The following SLC35F4 variants were observed in gnomAD, a reference collection of about 807,000 sequenced individuals.
SLC35F4 encodes the protein chromosome 14 open reading frame 36.
In SLC35F4, 24 loss-of-function variants were observed where a neutral mutation model predicts 44.2. That is an observed-to-expected ratio of 0.54 (90% CI 0.39 to 0.76). The LOEUF (loss-of-function observed/expected upper bound fraction) is 0.76, where lower values mean the gene tolerates loss of function less well. Among genes scored for constraint, SLC35F4 ranks in the 30% least tolerant of loss-of-function variants. The pLI, the probability that SLC35F4 is intolerant of heterozygous loss-of-function variation, is 0.00. For missense variants in SLC35F4, 562 were observed against 586.1 expected (o/e 0.96, Z 0.42); for synonymous variants, 238 against 223.6 (o/e 1.06, Z -0.57).
chr14:57,926,098 T>G (rs1271316496), intron 1 of SLC35F4, among the ~76,000 whole-genome samples: 2 of 152,196 alleles, frequency 1.3e-5, no homozygotes, highest in East Asian at 3.8e-4. Context: ...CCTGGCAGAA[T>G]GGTTGACAGT....
At chr14:57,736,493 G>A (rs2076467465) in intron 1 of SLC35F4, among the ~76,000 whole-genome samples, 1 of 152,212 alleles carries the variant, frequency 6.6e-6, no homozygotes, top group Admixed American at 6.5e-5. Flanking sequence ...GTGGTCATTA[G>A]TGGTCACAGC....
At chr14:57,584,012 A>G (rs192027661) in intron 3 of SLC35F4, among the ~76,000 whole-genome samples, 1 of 152,272 alleles carries the variant, frequency 6.6e-6, no homozygotes, top group African/African-American at 2.4e-5. Flanking sequence ...TAGTTGTTGA[A>G]CCCTGTCTAT....
At chr14:57,973,813 G>T (rs548269505), downstream of SLC35F4, among the ~76,000 whole-genome samples, 32 of 152,148 alleles carry the variant, frequency 2.1e-4, no homozygotes, top group East Asian at 6.0e-3. Flanking sequence ...CTTCTTATTT[G>T]CCACAAACTC....
intron 1 of SLC35F4, among the ~76,000 whole-genome samples, chr14:57,951,475 C>T (rs1890138857): frequency 6.6e-6 from 1 of 152,114 alleles, no homozygotes; most frequent in Non-Finnish European, 1.5e-5. Context: ...GCCAGGGAGC[C>T]AAGTGGTCTA....
chr14:57,945,440 TGTGTGTG>T (rs2141076155), intron 1 of SLC35F4, among the ~76,000 whole-genome samples: 1 of 6,154 alleles, frequency 1.6e-4, no homozygotes, highest in South Asian at 4.1e-3. Context: ...GCAATGATAA[TGTGTGTG>T]TGTGTGTGTG....
At chr14:57,765,652 T>C (rs1371075189) in intron 1 of SLC35F4, among the ~76,000 whole-genome samples, 1 of 152,220 alleles carries the variant, frequency 6.6e-6, no homozygotes, top group South Asian at 2.1e-4. Flanking sequence ...GGTCAGATTA[T>C]CTCATTTTAC....
At chr14:57,866,280 G>C (rs895834737), upstream of SLC35F4, among the ~76,000 whole-genome samples, 1 of 152,310 alleles carries the variant, frequency 6.6e-6, no homozygotes, top group East Asian at 1.9e-4. Context: ...CAGGGGCTCA[G>C]AGAAGGGTGT....
At chr14:57,843,662 G>A (rs1316159647) in intron 1 of SLC35F4, among the ~76,000 whole-genome samples, 1 of 152,094 alleles carries the variant, frequency 6.6e-6, no homozygotes, top group African/African-American at 2.4e-5. Flanking sequence ...GGGTTTTGAA[G>A]CATGGCTTAT....
intron 1 of SLC35F4, among the ~76,000 whole-genome samples, chr14:57,753,955 T>C (rs1038414651): frequency 1.3e-5 from 2 of 152,152 alleles, no homozygotes; most frequent in African/African-American, 4.8e-5. Flanking sequence ...GACTGGCTCA[T>C]GGGCAGCTCC....
chr14:57,616,109 T>C (rs1476158536), intron 1 of SLC35F4, among the ~76,000 whole-genome samples: 1 of 152,232 alleles, frequency 6.6e-6, no homozygotes, highest in African/African-American at 2.4e-5. Flanking sequence ...AAGTGTAAAG[T>C]CCAGTTGAAT....
chr14:57,876,689 A>G (rs1338487730), intron 1 of SLC35F4, among the ~76,000 whole-genome samples: 1 of 152,194 alleles, frequency 6.6e-6, no homozygotes, highest in Non-Finnish European at 1.5e-5. Context: ...TTTTTGCTTA[A>G]TAAGTGAAGA....
At position 57,581,208 on chromosome 14, in the gene SLC35F4, C is replaced by CATT. The variant is rs2069229046; in HGVS notation, c.807+3_807+5dup. 6.5e-7 allele frequency: 1 copy of CATT among 1,540,706 alleles called. No individual in the cohort carries two copies. On this transcript the variant is annotated splice_donor_region_variant and intron_variant, in intron 4 of 7. Coordinates refer to ENST00000556826, the MANE Select transcript of SLC35F4 (RefSeq NM_001306087.2). The stretch of plus-strand genomic sequence containing the variant: ...GCATCGCGCATTGAATCAAGTATGC[C>CATT]ATTACCCTCACTCCCATGAACCTGT...
At chr14:57,931,839 T>C (rs1179839685) in intron 1 of SLC35F4, among the ~76,000 whole-genome samples, 1 of 152,136 alleles carries the variant, frequency 6.6e-6, no homozygotes, top group Non-Finnish European at 1.5e-5. Flanking sequence ...CCTAAGGAAA[T>C]AGTTCAAGCT....
At chr14:57,700,998 G>A (rs2075524878) in intron 1 of SLC35F4, among the ~76,000 whole-genome samples, 1 of 151,980 alleles carries the variant, frequency 6.6e-6, no homozygotes, top group African/African-American at 2.4e-5. Flanking sequence ...GGTTTTGTTT[G>A]CTGTCTTTTT....
chr14:57,667,356 A>G (rs1360263695), intron 1 of SLC35F4, among the ~76,000 whole-genome samples: 1 of 150,926 alleles, frequency 6.6e-6, no homozygotes, highest in Non-Finnish European at 1.5e-5. Flanking sequence ...TTTTTACTGT[A>G]CTTTAAGTTT....
At chr14:57,932,194 G>T (rs1335523) in intron 1 of SLC35F4, among the ~76,000 whole-genome samples, 22,919 of 152,078 alleles carry the variant, frequency 0.15, 4,614 homozygotes, top group African/African-American at 0.45. Context: ...TATTTGGAGT[G>T]GTTTTTGTTG....
chr14:57,630,388 T>C (rs549156448), intron 1 of SLC35F4: 2 of 648,218 alleles, frequency 3.1e-6, no homozygotes, highest in East Asian at 2.7e-5. Context: ...CCAAATATGA[T>C]AGATTCAAAC....
chr14:57,668,379 G>A (rs1025879783), intron 1 of SLC35F4, among the ~76,000 whole-genome samples: 1 of 151,796 alleles, frequency 6.6e-6, no homozygotes, highest in Non-Finnish European at 1.5e-5. Flanking sequence ...CATTGCTTTT[G>A]GTGTTTTAGA....
downstream of SLC35F4, among the ~76,000 whole-genome samples, chr14:57,975,887 C>T (rs10132371): frequency 0.014 from 2,188 of 152,302 alleles, 62 homozygotes; most frequent in African/African-American, 0.051. Flanking sequence ...AGGTGAATGT[C>T]ATTATCATAC....
Sources: allele counts gnomAD v4.1 joint callset (sites outside exome capture counted in the v4.1 genomes callset), GRCh38; gene constraint gnomAD v4.1.1; transcripts MANE v1.5; gene names NCBI Gene and HGNC (gene_info 2026-07-23, HGNC 2026-07-21).